Variants in PLXDC2 observed in about 807,000 individuals in gnomAD.
The protein encoded by PLXDC2 is plexin domain containing 2, also known as plexin domain-containing protein 2.
PLXDC2 carries 40 observed loss-of-function variants against 68.9 expected under a neutral mutation model. That is an observed-to-expected ratio of 0.58 (90% CI 0.45 to 0.76). The LOEUF (loss-of-function observed/expected upper bound fraction) is 0.76. Among genes scored for constraint, PLXDC2 ranks in the 30% least tolerant of loss-of-function variants. The probability of loss-of-function intolerance (pLI) is 0.00; values close to 1 mark genes in which losing one functional copy is unlikely to be tolerated. For synonymous variants in PLXDC2, 243 were observed against 234.2 expected (o/e 1.04, Z -0.34); for missense variants, 644 against 661.9 (o/e 0.97, Z 0.30).
chr10:20,273,942 G>T (rs575799504), intron 13 of PLXDC2, among the ~76,000 whole-genome samples: 22 of 152,134 alleles, frequency 1.4e-4, no homozygotes, highest in Non-Finnish European at 2.6e-4. Flanking sequence ...AGGAGGCTGA[G>T]GGGGGAAGAT....
intron 1 of PLXDC2, among the ~76,000 whole-genome samples, chr10:19,906,442 G>T (rs994563977): frequency 6.6e-6 from 1 of 152,174 alleles, no homozygotes; most frequent in Non-Finnish European, 1.5e-5. Context: ...GTGAGGCAGG[G>T]GAAACAGATT....
At chr10:20,041,784 T>G (rs577398408) in intron 2 of PLXDC2, among the ~76,000 whole-genome samples, 1 of 152,254 alleles carries the variant, frequency 6.6e-6, no homozygotes, top group South Asian at 2.1e-4. Context: ...TTTGGGTTCT[T>G]AGTGAGGGCT....
chr10:19,935,026 C>T (rs1833699517), intron 1 of PLXDC2, among the ~76,000 whole-genome samples: 1 of 152,216 alleles, frequency 6.6e-6, no homozygotes. Context: ...AGAAAAAGGA[C>T]ATATGCTCCC....
At chr10:19,927,926 T>G (rs934094966) in intron 1 of PLXDC2, among the ~76,000 whole-genome samples, 22 of 152,114 alleles carry the variant, frequency 1.4e-4, no homozygotes, top group African/African-American at 5.1e-4. Flanking sequence ...ACCCAATAGG[T>G]AGTTTTTCAT....
chr10:19,863,939 A>C (rs1837366840), intron 1 of PLXDC2, among the ~76,000 whole-genome samples: 1 of 152,200 alleles, frequency 6.6e-6, no homozygotes, highest in Admixed American at 6.5e-5. Context: ...TGTATAATAC[A>C]ACATACTGTT....
chr10:20,044,205 CTCTCTGTCTTTCTT>C (rs1443340739), intron 2 of PLXDC2, among the ~76,000 whole-genome samples: 42 of 105,006 alleles, frequency 4.0e-4, no homozygotes, highest in Admixed American at 8.3e-4. Context: ...CTCTCTCTCT[CTCTCTGTCTTTCTT>C]TCTTTCTTTC....
chr10:20,211,556 C>A, intron 9 of PLXDC2, 113 bp from the exon 10 acceptor site: 1 of 878,648 alleles, frequency 1.1e-6, no homozygotes, highest in Non-Finnish European at 1.7e-6. Flanking sequence ...TAATGTTATG[C>A]TAAACTGAAA....
chr10:19,934,465 G>T (rs1166523831), intron 1 of PLXDC2, among the ~76,000 whole-genome samples: 3 of 152,164 alleles, frequency 2.0e-5, no homozygotes, highest in African/African-American at 7.2e-5. Context: ...GCATAAGGTT[G>T]ATAGTTTCAG....
At chr10:20,060,515 T>G (rs577152365) in intron 3 of PLXDC2, among the ~76,000 whole-genome samples, 1 of 144,262 alleles carries the variant, frequency 6.9e-6, no homozygotes, top group African/African-American at 2.6e-5. Context: ...AAAAAAGTCA[T>G]TGAGGCTGGG....
intron 4 of PLXDC2, among the ~76,000 whole-genome samples, chr10:20,086,752 C>T (rs1338030219): frequency 4.6e-5 from 7 of 152,258 alleles, no homozygotes; most frequent in Non-Finnish European, 1.0e-4. Context: ...ATTAAAATCA[C>T]CCATTCTTGA....
chr10:20,102,811 G>A (rs1425555555), intron 4 of PLXDC2, among the ~76,000 whole-genome samples: 5 of 152,168 alleles, frequency 3.3e-5, no homozygotes, highest in Non-Finnish European at 5.9e-5. Context: ...ATGGCGGCTG[G>A]AGGTATAATT....
intron 1 of PLXDC2, among the ~76,000 whole-genome samples, chr10:19,910,438 G>A (rs551198571): frequency 6.6e-5 from 10 of 151,766 alleles, no homozygotes; most frequent in East Asian, 1.9e-4. Flanking sequence ...CTATCCGGGC[G>A]GGGAAAATGA....
Position 20,137,788 on chromosome 10 carries a change from A to G in PLXDC2, c.542-5507A>G, listed in dbSNP as rs368083570. 3.5e-3 allele frequency among the ~76,000 whole-genome samples: 527 copies of G among 152,334 alleles called. 3 individuals are homozygous for G. The highest frequency in any genetic ancestry group is 0.011 in the African/African-American group (466 of 41,586). On this transcript the variant is annotated intron_variant, in intron 4 of 13. Transcript: ENST00000377252. ...GGGCCGTTGTCTGTGTGGAGTTCGC[A>G]CGTTCTCCCCATGTCTGTGTAGGCT... is the stretch of plus-strand genomic sequence containing the variant.
chr10:20,279,332 G>C (rs1836050692), intron 13 of PLXDC2, among the ~76,000 whole-genome samples: 1 of 152,208 alleles, frequency 6.6e-6, no homozygotes, highest in African/African-American at 2.4e-5. Context: ...GTAGAGAAGA[G>C]AGAGTGTCTG....
intron 1 of PLXDC2, among the ~76,000 whole-genome samples, chr10:19,907,553 AATATG>A (rs1486343069): frequency 1.3e-5 from 2 of 152,222 alleles, no homozygotes; most frequent in Admixed American, 6.5e-5. Flanking sequence ...AATAGCATTA[AATATG>A]ATTAAGGAGG....
Position 20,288,973 on chromosome 10 carries a change from G to A in PLXDC2, c.*9154G>A, listed in dbSNP as rs1257119183. ...CAAATTTGGGATTTTAGAAGGGGGA[G>A]GAGGGAGCTATTTGTGTAAGACTGC... On this transcript the variant is annotated 3_prime_UTR_variant, in exon 14 of 14. Coordinates refer to ENST00000377252, the MANE Select transcript of PLXDC2 (RefSeq NM_032812.9). 5 of 152,164 alleles carry A rather than the reference G, an allele frequency of 3.3e-5. No individual in the cohort carries two copies. Among genetic ancestry groups the A allele is most frequent in the Non-Finnish European group, 7.3e-5 (5 of 68,028 alleles). 9.4% of individuals were successfully genotyped at this position (152,164 alleles called of 1,614,324 possible).
intron 4 of PLXDC2, among the ~76,000 whole-genome samples, chr10:20,136,818 T>G (rs1270356645): frequency 1.3e-5 from 2 of 152,220 alleles, no homozygotes; most frequent in Non-Finnish European, 2.9e-5. Flanking sequence ...GATGATGAAG[T>G]AGAATATTTT....
At chr10:20,035,341 A>G (rs1835560150) in intron 2 of PLXDC2, among the ~76,000 whole-genome samples, 1 of 152,206 alleles carries the variant, frequency 6.6e-6, no homozygotes, top group Non-Finnish European at 1.5e-5. Context: ...AGAAAGGGCT[A>G]AAGAAAAGTT....
At chr10:19,892,985 G>A (rs1032028897) in intron 1 of PLXDC2, among the ~76,000 whole-genome samples, 1 of 149,988 alleles carries the variant, frequency 6.7e-6, no homozygotes, top group Non-Finnish European at 1.5e-5. Context: ...ATTCACTCAA[G>A]GCAGTTCAAT....
Sources: gnomAD v4.1 joint callset for allele counts (sites outside exome capture counted in the v4.1 genomes callset) on GRCh38, gnomAD v4.1.1 for gene constraint, MANE v1.5 for transcripts, NCBI Gene and HGNC (gene_info 2026-07-23, HGNC 2026-07-21) for gene names.